COX6A2: variants seen among roughly 807,000 people sequenced by gnomAD.
COX6A2 encodes the protein cytochrome c oxidase subunit 6A2.
In COX6A2, 5 loss-of-function variants were observed where a neutral mutation model predicts 7.2. That is an observed-to-expected ratio of 0.69 (90% confidence interval 0.36 to 1.45). COX6A2 has a LOEUF of 1.45. COX6A2 is among the 40% of genes most tolerant of loss of function. The pLI is 0.03. For missense variants in COX6A2, 174 were observed against 137.7 expected (o/e 1.26, Z -1.32); for synonymous variants, 63 against 55.9 (o/e 1.13, Z -0.56).
rs2082151665 is a variant in COX6A2 at position 31,428,000 on chromosome 16, G to T, written c.210+15C>A. 1 of 1,294,916 alleles carries T rather than the reference G, an allele frequency of 7.7e-7. No individual in the cohort carries two copies. Among genetic ancestry groups the T allele is most frequent in the Non-Finnish European group, 9.9e-7 (1 of 1,009,512 alleles). The allele number at this position is 1,294,916 out of a possible 1,614,324, so 80.2% of individuals were successfully genotyped here. On this transcript the variant is annotated intron_variant, in intron 2 of 2. Transcript: ENST00000287490. ...CGCAGCACCCCCGTGCCGCCCGCGC[G>T]CCCGTCCCGCGTACCTTGGTGCGGA...
chr16:31,428,008 C>G lies in COX6A2; in HGVS notation c.210+7G>C, dbSNP rs777248892. The G allele has an allele frequency of 5.5e-5, 79 of 1,449,228 alleles. No homozygotes were observed. The highest frequency in any genetic ancestry group is 1.2e-4 in the Admixed American group (5 of 42,036). 89.8% of individuals were successfully genotyped at this position (1,449,228 alleles called of 1,614,324 possible). A position where few individuals can be genotyped will look rare whatever the true frequency, so the allele number is the denominator to read the frequency against. On this transcript the variant is annotated splice_region_variant and intron_variant, in intron 2 of 2. Transcript: ENST00000287490. ...CCCCGTGCCGCCCGCGCGCCCGTCC[C>G]GCGTACCTTGGTGCGGATGCGGAGG...
At chr16:31,427,989 G>GCCGCCCGCGCGCCCGTC (rs773253151) in intron 2 of COX6A2, 26 bp downstream of exon 2, 1 of 1,194,714 alleles carries the variant, frequency 8.4e-7, no homozygotes, top group South Asian at 2.0e-5. Flanking sequence ...GCACCCCCGT[G>GCCGCCCGCGCGCCCGTC]CCGCCCGCGC....
chr16:31,427,817 T>C lies in COX6A2; in HGVS notation c.251A>G (p.Asn84Ser), dbSNP rs372862062. The change falls in exon 3 of 3, where the codon AAT becomes AGT. Residue 84 changes from asparagine (N) to serine (S), a missense_variant. By Grantham distance (46) the Asn-to-Ser change is conservative. Coordinates refer to ENST00000287490, the MANE Select transcript of COX6A2 (RefSeq NM_005205.4). ...CGTGGGCAGAGGGTTCACGTGGCTA[T>C]TGTGGAACAGAGTGTGGTTGCCGTC... ...WGDGNHTLFH[N>S]SHVNPLPTGY... is the part of the protein sequence containing the mutation. 2.1e-6 allele frequency: 3 copies of C among 1,413,100 alleles called. No individual in the cohort carries two copies. The highest frequency in any genetic ancestry group is 1.5e-5 in the African/African-American group (1 of 67,096). The allele number at this position is 1,413,100 out of a possible 1,614,324, so 87.5% of individuals were successfully genotyped here.
chr16:31,428,148 C>T lies in COX6A2; in HGVS notation c.77G>A (p.Arg26His), dbSNP rs749005782. 5.1e-6 allele frequency: 8 copies of T among 1,571,792 alleles called. No homozygotes were observed. Among genetic ancestry groups the T allele is most frequent in the African/African-American group, 4.1e-5 (3 of 73,716 alleles). ...CACGAAGGTCAGCAGACGCCAGGTA[C>T]GAGCTGCGGACGGAGCGGGGTGAGC... Reference protein sequence around the residue: ...AKGGHGGAGARTWRLLTFVLA... With the variant: ...AKGGHGGAGAHTWRLLTFVLA... Residue 26 changes from arginine to histidine, a missense_variant, in exon 2 of 3, where the codon CGT becomes CAT. Coordinates refer to ENST00000287490, the MANE Select transcript of COX6A2 (RefSeq NM_005205.4).
chr16:31,427,998 G>C lies in COX6A2; in HGVS notation c.210+17C>G, dbSNP rs1315040760. On this transcript the variant is annotated intron_variant, in intron 2 of 2. Transcript: ENST00000287490. ...CCCGCAGCACCCCCGTGCCGCCCGC[G>C]CGCCCGTCCCGCGTACCTTGGTGCG... 2.4e-6 allele frequency: 3 copies of C among 1,239,994 alleles called. No individual in the cohort carries two copies. Among genetic ancestry groups the C allele is most frequent in the Non-Finnish European group, 3.1e-6 (3 of 977,564 alleles). 76.8% of individuals were successfully genotyped at this position (1,239,994 alleles called of 1,614,324 possible). A position where few individuals can be genotyped will look rare whatever the true frequency, so the allele number is the denominator to read the frequency against.
chr16:31,428,059 G>T lies in COX6A2; in HGVS notation c.166C>A (p.Arg56Ser). ...TGTTGGTAGGGACGGAACTCGGGGC[G>T]CGGGCGGTGGCCCGAGTGGAGATAG... The part of the protein sequence containing the change: ...NSYLHSGHRP[R>S]PEFRPYQHLR... Residue 56 changes from arginine (R) to serine (S), a missense_variant, in exon 2 of 3, where the codon CGC (arginine) becomes AGC (serine). Physicochemically the swap from Arg to Ser is moderately radical, Grantham distance 110. Coordinates refer to ENST00000287490, the MANE Select transcript of COX6A2 (RefSeq NM_005205.4). The T allele has an allele frequency of 6.5e-7, 1 of 1,545,480 alleles. No individual in the cohort carries two copies.
chr16:31,427,960 A>T (rs866114321), intron 2 of COX6A2, 55 bp downstream of exon 2: 1 of 150,702 alleles, frequency 6.6e-6, no homozygotes, highest in East Asian at 1.7e-4. Context: ...CCCCCGCAGC[A>T]CCCCCCCCCG....
At chr16:31,428,192 CGGGCCTGTGAACAGGT>C (rs1567362608) in intron 1 of COX6A2, 41 bp from the exon 2 acceptor site, 1 of 1,549,784 alleles carries the variant, frequency 6.5e-7, no homozygotes, top group Admixed American at 1.9e-5. Context: ...CCTGGGGCGG[CGGGCCTGTGAACAGGT>C]GGGCAGGGTA....
intron 2 of COX6A2, 62 bp from the exon 3 acceptor site, chr16:31,427,919 C>CCCT: frequency 4.6e-6 from 1 of 219,426 alleles, no homozygotes; most frequent in Non-Finnish European, 6.2e-6. Flanking sequence ...CCGCGCCCCG[C>CCCT]GCGACCCCCC....
Position 31,427,911 on chromosome 16 carries a change from G to GCGCCC in COX6A2, c.211-59_211-55dup, listed in dbSNP as rs200013837. ...CGTGAGCGCCGTGAGTCCGGAGTCC[G>GCGCCC]CGCCCCGCGCGACCCCCCCCCCGCA... On this transcript the variant is annotated intron_variant, in intron 2 of 2. Transcript: ENST00000287490. The GCGCCC allele has an allele frequency of 4.8e-3, 1,754 of 364,632 alleles. 556 individuals are homozygous for GCGCCC. The highest frequency in any genetic ancestry group is 0.03 in the African/African-American group (395 of 13,148). The allele number at this position is 364,632 out of a possible 1,614,324, so 22.6% of individuals were successfully genotyped here. A position where few individuals can be genotyped will look rare whatever the true frequency, so the allele number is the denominator to read the frequency against.
chr16:31,427,861 T>C lies in COX6A2; in HGVS notation c.211-4A>G. On this transcript the variant is annotated splice_region_variant and splice_polypyrimidine_tract_variant and intron_variant, in intron 2 of 2. Transcript: ENST00000287490. ...TGCCGTCCCCCCAGGGGTAGGGCTG[T>C]GGAGAGAGCGGGGGAGGGAGCGCGC... 7.6e-7 allele frequency: 1 copy of C among 1,324,108 alleles called. No individual in the cohort carries two copies. Among genetic ancestry groups the C allele is most frequent in the Non-Finnish European group, 9.7e-7 (1 of 1,034,886 alleles). The allele number at this position is 1,324,108 out of a possible 1,614,324, so 82.0% of individuals were successfully genotyped here.
intron 2 of COX6A2, 74 bp from the exon 3 acceptor site, chr16:31,427,931 C>CA (rs1244345170): frequency 2.7e-6 from 1 of 371,224 alleles, no homozygotes; most frequent in Non-Finnish European, 3.6e-6. Flanking sequence ...CGACCCCCCC[C>CA]CCGCAGCACC....
chr16:31,427,793 G>T lies in COX6A2; in HGVS notation c.275C>A (p.Thr92Lys). 7.1e-7 allele frequency: 1 copy of T among 1,413,046 alleles called. No homozygotes were observed. Among genetic ancestry groups the T allele is most frequent in the Non-Finnish European group, 9.3e-7 (1 of 1,080,274 alleles). The allele number at this position is 1,413,046 out of a possible 1,614,324, so 87.5% of individuals were successfully genotyped here. Residue 92 changes from threonine (T) to lysine (K), a missense_variant, in exon 3 of 3, where the codon ACG becomes AAG. Physicochemically the swap from Thr to Lys is moderately conservative, Grantham distance 78. Coordinates refer to ENST00000287490, the MANE Select transcript of COX6A2 (RefSeq NM_005205.4). The part of the protein sequence containing the change: ...FHNSHVNPLP[T>K]GYEHP ...GGGGCCTCAGGGGTGTTCGTAGCCCGTGGGCAGAGGGTTCACGTGGCTATT... is the reference window on the plus strand; with the variant it reads ...GGGGCCTCAGGGGTGTTCGTAGCCCTTGGGCAGAGGGTTCACGTGGCTATT...
At position 31,428,352 on chromosome 16, in the gene COX6A2, G is replaced by C; in HGVS notation, c.-27C>G. 1 of 1,567,132 alleles carries C rather than the reference G, an allele frequency of 6.4e-7. No homozygotes were observed. The highest frequency in any genetic ancestry group is 8.7e-7 in the Non-Finnish European group (1 of 1,155,906). ...ATGGTGCGGGGAGCCGGGAACCAGC[G>C]CTGTCCTCGCTCCCTTTCCTGGGGC... is the stretch of plus-strand genomic sequence containing the variant. On this transcript the variant is annotated 5_prime_UTR_variant, in exon 1 of 3. Coordinates refer to ENST00000287490, the MANE Select transcript of COX6A2 (RefSeq NM_005205.4).
chr16:31,427,740 C>G lies in COX6A2; in HGVS notation c.*34G>C. ...CCACAGAGCCGCAGACTCGAAGCTT[C>G]ACACCTTTATTGTGTCCGGGGGCGT... On this transcript the variant is annotated 3_prime_UTR_variant, in exon 3 of 3. Coordinates refer to ENST00000287490, the MANE Select transcript of COX6A2 (RefSeq NM_005205.4). The G allele has an allele frequency of 7.4e-7, 1 of 1,350,184 alleles. No homozygotes were observed. Among genetic ancestry groups the G allele is most frequent in the Non-Finnish European group, 9.6e-7 (1 of 1,041,352 alleles). 83.6% of individuals were successfully genotyped at this position (1,350,184 alleles called of 1,614,324 possible). A position where few individuals can be genotyped will look rare whatever the true frequency, so the allele number is the denominator to read the frequency against.
At chr16:31,427,878 GGAGCGCGCGT>G (rs745865460) in intron 2 of COX6A2, 21 bp from the exon 3 acceptor site, 3 of 1,304,126 alleles carry the variant, frequency 2.3e-6, no homozygotes, top group Non-Finnish European at 2.0e-6. Flanking sequence ...AGCGGGGGAG[GGAGCGCGCGT>G]GAGCGCCGTG....
Position 31,428,095 on chromosome 16 carries a change from T to C in COX6A2, c.130A>G (p.Thr44Ala). Residue 44 changes from threonine (T) to alanine (A), a missense_variant, in exon 2 of 3, where the codon ACC becomes GCC. By Grantham distance (58) the Thr-to-Ala change is moderately conservative. Coordinates refer to ENST00000287490, the MANE Select transcript of COX6A2 (RefSeq NM_005205.4). ...VLALPSVALC[T>A]FNSYLHSGHR... ...CCCGAGTGGAGATAGGAGTTGAAGG[T>C]GCAGAGGGCCACGCTGGGCAGCGCC... 1 of 1,560,024 alleles carries C rather than the reference T, an allele frequency of 6.4e-7. No homozygotes were observed. Among genetic ancestry groups the C allele is most frequent in the East Asian group, 2.4e-5 (1 of 41,458 alleles).
At position 31,427,791 on chromosome 16, in the gene COX6A2, C is replaced by T; in HGVS notation, c.277G>A (p.Gly93Ser). Residue 93 changes from glycine to serine, a missense_variant, in exon 3 of 3, where the codon GGC becomes AGC. Transcript: ENST00000287490. ...HNSHVNPLPT[G>S]YEHP ...CCGGGGCCTCAGGGGTGTTCGTAGC[C>T]CGTGGGCAGAGGGTTCACGTGGCTA... The T allele has an allele frequency of 7.1e-7, 1 of 1,413,312 alleles. No homozygotes were observed. Among genetic ancestry groups the T allele is most frequent in the Non-Finnish European group, 9.3e-7 (1 of 1,080,462 alleles). 87.5% of individuals were successfully genotyped at this position (1,413,312 alleles called of 1,614,324 possible).
rs1309500893 is a variant in COX6A2 at position 31,427,927 on chromosome 16, C to CT, written c.211-71_211-70insA. On this transcript the variant is annotated intron_variant, in intron 2 of 2. Coordinates refer to ENST00000287490, the MANE Select transcript of COX6A2 (RefSeq NM_005205.4). ...CCGGAGTCCGCGCCCCGCGCGACCC[C>CT]CCCCCCGCAGCACCCCCCCCCGCCC... The CT allele has an allele frequency of 8.0e-5, 5 of 62,824 alleles. 1 individual carries two copies. The East Asian group carries it at 1.7e-3, about 22-fold the overall frequency. The allele number at this position is 62,824 out of a possible 1,614,324, so 3.9% of individuals were successfully genotyped here.
Sources: gnomAD v4.1 joint callset for allele counts on GRCh38, gnomAD v4.1.1 for gene constraint, MANE v1.5 for transcripts, NCBI Gene and HGNC (gene_info 2026-07-23, HGNC 2026-07-21) for gene names.